Variants in SLC5A3 observed in about 807,000 individuals in gnomAD.
SLC5A3 encodes solute carrier family 5 member 3.
Under a neutral mutation model 43.2 loss-of-function variants are expected in SLC5A3, and 10 were observed. The observed-to-expected ratio is 0.23, with a 90% CI of 0.14 to 0.39. The LOEUF (loss-of-function observed/expected upper bound fraction) is 0.39. Ranked by LOEUF, SLC5A3 falls within the 10% of genes least tolerant of loss-of-function variation. The pLI, the probability that SLC5A3 is intolerant of heterozygous loss-of-function variation, is 1.00. For missense variants in SLC5A3, 608 were observed against 893.4 expected, an observed-to-expected ratio of 0.68 and a Z score of 4.07; for synonymous variants, 349 against 322.0, an observed-to-expected ratio of 1.08 and a Z score of -0.90.
Position 34,096,906 on chromosome 21 carries a change from A to G in SLC5A3, c.1708A>G (p.Lys570Glu), listed in dbSNP as rs1453598061. 1 of 1,614,048 alleles carries G rather than the reference A, an allele frequency of 6.2e-7. No homozygotes were observed. Among genetic ancestry groups the G allele is most frequent in the Non-Finnish European group, 8.5e-7 (1 of 1,180,002 alleles). ...AGAGGAACCATACAAAATGCAAGAAAAGAGCATTCTGAGATGCAGTGAGAA... is the reference window on the plus strand; with the variant it reads ...AGAGGAACCATACAAAATGCAAGAAGAGAGCATTCTGAGATGCAGTGAGAA... ...PKEEPYKMQE[K>E]SILRCSENNE... Residue 570 changes from lysine (K) to glutamate (E), a missense_variant, in exon 2 of 2, where the codon AAG becomes GAG. This residue lies in a region of SLC5A3 where 210 missense variants were observed against 224.8 expected (regional missense o/e 0.93). Coordinates refer to ENST00000381151, the MANE Select transcript of SLC5A3 (RefSeq NM_006933.7). This position sits in a 1 kb window ranked among gnomAD's most constrained non-coding sequence, Gnocchi z 5.9.
intron 1 of SLC5A3, among the ~76,000 whole-genome samples, chr21:34,092,016 T>TGTTAGCTGAAGATTCTTCC (rs1170282732): frequency 4.6e-5 from 7 of 152,286 alleles, no homozygotes; most frequent in Non-Finnish European, 8.8e-5. Context: ...AAAAGCCTCA[T>TGTTAGCTGAAGATTCTTCC]GTTAGCTGAA....
chr21:34,074,044 C>G (rs1363697275), intron 1 of SLC5A3, among the ~76,000 whole-genome samples: 1 of 146,350 alleles, frequency 6.8e-6, no homozygotes, highest in Admixed American at 6.8e-5. Context: ...GGCCCCGACC[C>G]CGATCCCGGC....
intron 1 of SLC5A3, among the ~76,000 whole-genome samples, chr21:34,084,717 T>C (rs936541450): frequency 4.6e-5 from 7 of 152,218 alleles, no homozygotes; most frequent in Non-Finnish European, 8.8e-5. Context: ...TACAGTAGTT[T>C]AATGAAATTT....
chr21:34,073,625 A>C lies in SLC5A3; in HGVS notation c.-457A>C. 1 of 1,334,412 alleles carries C rather than the reference A, an allele frequency of 7.5e-7. No individual in the cohort carries two copies. Among genetic ancestry groups the C allele is most frequent in the African/African-American group, 1.5e-5 (1 of 65,072 alleles). The allele number at this position is 1,334,412 out of a possible 1,614,324, so 82.7% of individuals were successfully genotyped here. A position where few individuals can be genotyped will look rare whatever the true frequency, so the allele number is the denominator to read the frequency against. On this transcript the variant is annotated 5_prime_UTR_variant, in exon 1 of 2. Transcript: ENST00000381151. ...CCGGCGCAGCAGTTTCTAGGTCCCC[A>C]CTGTCCCCGCCGTCCCGCCCCTTCG...
At chr21:34,088,885 T>A (rs951742007) in intron 1 of SLC5A3, among the ~76,000 whole-genome samples, 31 of 151,874 alleles carry the variant, frequency 2.0e-4, no homozygotes, top group South Asian at 1.7e-3. Context: ...TTTTTTTTTT[T>A]AAATTTCCAT....
rs1461379602 is a variant in SLC5A3, at chr21:34,098,358, T to C, written c.*1003T>C. 2 of 1,000,190 alleles carry C rather than the reference T, an allele frequency of 2.0e-6. No homozygotes were observed. Among genetic ancestry groups the C allele is most frequent in the Non-Finnish European group, 2.4e-6 (2 of 830,006 alleles). 62.0% of individuals were successfully genotyped at this position (1,000,190 alleles called of 1,614,324 possible). On this transcript the variant is annotated 3_prime_UTR_variant, in exon 2 of 2. Coordinates refer to ENST00000381151, the MANE Select transcript of SLC5A3 (RefSeq NM_006933.7). ...AAGAAAAATTGACGCTGCCTTTGTG[T>C]GCTGGATTGCTCTACTTGATTAGAT...
chr21:34,073,912 G>C (rs1325731080), intron 1 of SLC5A3, among the ~76,000 whole-genome samples, 167 bp downstream of exon 1: 1 of 145,664 alleles, frequency 6.9e-6, no homozygotes, highest in Middle Eastern at 3.4e-3. Flanking sequence ...GGGGGCGCGC[G>C]TGGGCCGGCC....
rs1166627925 is a variant in SLC5A3, at chr21:34,093,948, A to G, written c.-336-915A>G. ...ATAAATCATTTTTTAGTCTTCTGAA[A>G]ACTTTTCTCCTCCTCCCTCTTTTCT... On this transcript the variant is annotated intron_variant, in intron 1 of 1. Coordinates refer to ENST00000381151, the MANE Select transcript of SLC5A3 (RefSeq NM_006933.7). 2.6e-5 allele frequency among the ~76,000 whole-genome samples: 4 copies of G among 152,162 alleles called. No individual in the cohort carries two copies. The South Asian group carries it at 8.3e-4, about 32-fold the overall frequency.
chr21:34,103,747 T>A lies in SLC5A3; in HGVS notation c.*6392T>A. The A allele has an allele frequency of 3.0e-6, 3 of 999,678 alleles. No individual in the cohort carries two copies. The South Asian group carries it at 1.4e-4, about 47-fold the overall frequency. The allele number at this position is 999,678 out of a possible 1,614,324, so 61.9% of individuals were successfully genotyped here. A position where few individuals can be genotyped will look rare whatever the true frequency, so the allele number is the denominator to read the frequency against. ...AATGCGGTATCTAAACTGGTCCTAA[T>A]GGTAAGGGACCCAAAGGAATAATCT... On this transcript the variant is annotated 3_prime_UTR_variant, in exon 2 of 2. Transcript: ENST00000381151.
intron 1 of SLC5A3, among the ~76,000 whole-genome samples, chr21:34,093,207 G>T (rs62212118): frequency 1.3e-5 from 2 of 151,084 alleles, no homozygotes; most frequent in Admixed American, 1.3e-4. Flanking sequence ...GATTTGGCAG[G>T]TATGAAGTGA....
intron 1 of SLC5A3, among the ~76,000 whole-genome samples, chr21:34,076,501 C>T (rs796178054): frequency 1.3e-5 from 2 of 152,124 alleles, no homozygotes; most frequent in Non-Finnish European, 2.9e-5. Context: ...ATGTTTTTCT[C>T]AGTTTGCAAG....
Position 34,100,292 on chromosome 21 carries a change from A to T in SLC5A3, c.*2937A>T. 1 of 1,000,238 alleles carries T rather than the reference A, an allele frequency of 1.0e-6. No individual in the cohort carries two copies. Among genetic ancestry groups the T allele is most frequent in the South Asian group, 4.7e-5 (1 of 21,286 alleles). 62.0% of individuals were successfully genotyped at this position (1,000,238 alleles called of 1,614,324 possible). On this transcript the variant is annotated 3_prime_UTR_variant, in exon 2 of 2. Transcript: ENST00000381151. ...GATGAGAAGGGCATATTACATTGGTATGCAGGATGATTATTGCATATTTTG... is the reference window on the plus strand; with the variant it reads ...GATGAGAAGGGCATATTACATTGGTTTGCAGGATGATTATTGCATATTTTG...
rs1383223785 is a variant in SLC5A3 at position 34,101,504 on chromosome 21, T to C, written c.*4149T>C. 1 of 1,000,076 alleles carries C rather than the reference T, an allele frequency of 1.0e-6. No homozygotes were observed. The highest frequency in any genetic ancestry group is 1.2e-6 in the Non-Finnish European group (1 of 829,964). 62.0% of individuals were successfully genotyped at this position (1,000,076 alleles called of 1,614,324 possible). On this transcript the variant is annotated 3_prime_UTR_variant, in exon 2 of 2. Coordinates refer to ENST00000381151, the MANE Select transcript of SLC5A3 (RefSeq NM_006933.7). ...TAGCCTGAGCAGACTTCTTTACAAA[T>C]GGGATCTGTTTCTATATGTGTATAT...
intron 1 of SLC5A3, among the ~76,000 whole-genome samples, chr21:34,082,007 T>TC (rs1246898685): frequency 3.9e-5 from 6 of 152,018 alleles, no homozygotes; most frequent in African/African-American, 1.4e-4. Context: ...GCTTTTTTTT[T>TC]CTCTCTTCCT....
chr21:34,096,608 T>C lies in SLC5A3; in HGVS notation c.1410T>C (p.Ala470=). Residue 470 remains alanine, a synonymous_variant, in exon 2 of 2, where the codon GCT becomes GCC. Coordinates refer to ENST00000381151, the MANE Select transcript of SLC5A3 (RefSeq NM_006933.7). The surrounding 1 kb of genome is among the most constrained non-coding windows in gnomAD (Gnocchi z 5.9). ...GGAAGCGCTGCAATGAACAAGGGGC[T>C]TTCTATGGTGGAATGGCTGGCTTTG... ...IFWKRCNEQG[A]FYGGMAGFVL... is the part of the protein sequence containing the mutation. The C allele has an allele frequency of 6.2e-7, 1 of 1,614,100 alleles. No individual in the cohort carries two copies. Among genetic ancestry groups the C allele is most frequent in the Non-Finnish European group, 8.5e-7 (1 of 1,179,998 alleles).
At chr21:34,083,815 T>C (rs1783288) in intron 1 of SLC5A3, among the ~76,000 whole-genome samples, 123,856 of 152,148 alleles carry the variant, frequency 0.81, 52,899 homozygotes, top group East Asian at 0.94. Context: ...GTAAGAAGAT[T>C]GAAGAAAACA....
At chr21:34,085,286 G>A (rs1978326834) in intron 1 of SLC5A3, among the ~76,000 whole-genome samples, 1 of 152,122 alleles carries the variant, frequency 6.6e-6, no homozygotes, top group African/African-American at 2.4e-5. Context: ...ATTAGAGTTA[G>A]ATTAGCCATT....
Position 34,073,618 on chromosome 21 carries a change from G to A in SLC5A3, c.-464G>A, listed in dbSNP as rs551668379. The A allele has an allele frequency of 1.4e-5, 18 of 1,250,412 alleles. No homozygotes were observed. The African/African-American group carries it at 2.4e-4, about 17-fold the overall frequency. 77.5% of individuals were successfully genotyped at this position (1,250,412 alleles called of 1,614,324 possible). On this transcript the variant is annotated 5_prime_UTR_variant, in exon 1 of 2. Coordinates refer to ENST00000381151, the MANE Select transcript of SLC5A3 (RefSeq NM_006933.7). Reference sequence around the variant, plus strand: ...GAGCCGTCCGGCGCAGCAGTTTCTAGGTCCCCACTGTCCCCGCCGTCCCGC... The same window carrying A: ...GAGCCGTCCGGCGCAGCAGTTTCTAAGTCCCCACTGTCCCCGCCGTCCCGC...
In SLC5A3 at chr21:34,096,374, C is replaced by G; in HGVS notation, c.1176C>G (p.Leu392=). Residue 392 remains leucine, a synonymous_variant, in exon 2 of 2, where the codon CTC becomes CTG. Coordinates refer to ENST00000381151, the MANE Select transcript of SLC5A3 (RefSeq NM_006933.7). This position sits in a 1 kb window ranked among gnomAD's most constrained non-coding sequence, Gnocchi z 5.9. ...IFNSASTIFT[L]DVYKLIRKSA... ...ACAGTGCCAGTACCATATTCACCCT[C>G]GATGTGTACAAACTTATCCGCAAGA... The G allele has an allele frequency of 6.2e-7, 1 of 1,614,144 alleles. No homozygotes were observed. Among genetic ancestry groups the G allele is most frequent in the Non-Finnish European group, 8.5e-7 (1 of 1,180,016 alleles).
Sources: gnomAD v4.1 joint callset for allele counts (sites outside exome capture counted in the v4.1 genomes callset) on GRCh38, gnomAD v4.1.1 for gene constraint, gnomAD v4.1.1 regional missense constraint, Gnocchi (gnomAD v3.1) non-coding constraint, MANE v1.5 for transcripts, NCBI Gene and HGNC (gene_info 2026-07-23, HGNC 2026-07-21) for gene names.